Variants in NKAIN2 observed in about 807,000 individuals in gnomAD.
The protein encoded by NKAIN2 is sodium/potassium-transporting ATPase subunit beta-1-interacting protein 2.
A neutral mutation model predicts 32.6 loss-of-function variants in NKAIN2; 14 were observed. The observed-to-expected ratio is 0.43, with a 90% CI of 0.28 to 0.67. The LOEUF is 0.67. NKAIN2 is among the 30% of genes least tolerant of loss of function. The probability of loss-of-function intolerance (pLI) is 0.17; values close to 1 mark genes in which losing one functional copy is unlikely to be tolerated. For synonymous variants in NKAIN2, 80 were observed against 87.2 expected (o/e 0.92, Z 0.46); for missense variants, 198 against 258.3 (o/e 0.77, Z 1.60).
chr6:124,304,417 A>T (rs1224767471), intron 2 of NKAIN2, among the ~76,000 whole-genome samples: 2 of 152,200 alleles, frequency 1.3e-5, no homozygotes, highest in African/African-American at 4.8e-5. Flanking sequence ...TGGTATAAGA[A>T]GAAGAAAAGC....
intron 1 of NKAIN2, among the ~76,000 whole-genome samples, chr6:124,089,496 A>G (rs1455310386): frequency 6.6e-6 from 1 of 151,860 alleles, no homozygotes; most frequent in African/African-American, 2.4e-5. Context: ...GCCATATTGA[A>G]ACACCAATAC....
intron 2 of NKAIN2, among the ~76,000 whole-genome samples, chr6:124,285,206 G>A (rs577410340): frequency 3.9e-5 from 6 of 152,208 alleles, no homozygotes; most frequent in South Asian, 2.1e-4. Flanking sequence ...ATCTTTTGCC[G>A]GCTGGAGATG....
intron 3 of NKAIN2, among the ~76,000 whole-genome samples, chr6:124,615,562 G>C (rs188947941): frequency 5.5e-4 from 83 of 152,156 alleles, no homozygotes; most frequent in African/African-American, 1.7e-3. Flanking sequence ...TCACATTTTG[G>C]AACTAGCATA....
At chr6:123,817,451 A>G (rs534892354) in intron 1 of NKAIN2, among the ~76,000 whole-genome samples, 1 of 152,150 alleles carries the variant, frequency 6.6e-6, no homozygotes, top group Non-Finnish European at 1.5e-5. Context: ...CTTAGAAATA[A>G]CAGGACACTT....
chr6:123,950,779 CA>C (rs1777289830), intron 1 of NKAIN2, among the ~76,000 whole-genome samples: 4 of 151,836 alleles, frequency 2.6e-5, no homozygotes, highest in African/African-American at 9.6e-5. Context: ...TTTTTTAGTC[CA>C]ATTTCATTTA....
At chr6:123,989,908 T>G (rs1181857533) in intron 1 of NKAIN2, among the ~76,000 whole-genome samples, 1 of 152,188 alleles carries the variant, frequency 6.6e-6, no homozygotes, top group Admixed American at 6.6e-5. Flanking sequence ...TGGAATGTAT[T>G]AGTTCATTCT....
chr6:124,530,362 G>T (rs139971932), intron 3 of NKAIN2, among the ~76,000 whole-genome samples: 2 of 152,216 alleles, frequency 1.3e-5, no homozygotes, highest in East Asian at 3.9e-4. Context: ...TCACCATAAA[G>T]GCCTTCATCC....
chr6:124,142,528 T>C (rs1215883355), intron 1 of NKAIN2, among the ~76,000 whole-genome samples: 1 of 152,200 alleles, frequency 6.6e-6, no homozygotes, highest in African/African-American at 2.4e-5. Flanking sequence ...GAATGCAGTG[T>C]ATTTATTGAC....
At chr6:124,158,296 A>G (rs942954876) in intron 1 of NKAIN2, among the ~76,000 whole-genome samples, 3 of 151,744 alleles carry the variant, frequency 2.0e-5, no homozygotes, top group Admixed American at 6.6e-5. Flanking sequence ...TAGGATTAGG[A>G]CCCACCTTAG....
At chr6:124,419,966 G>C (rs1450707025) in intron 3 of NKAIN2, among the ~76,000 whole-genome samples, 1 of 151,936 alleles carries the variant, frequency 6.6e-6, no homozygotes, top group Non-Finnish European at 1.5e-5. Flanking sequence ...GAATATCCTG[G>C]AATATGATCA....
chr6:124,762,984 A>C (rs1401129750), intron 4 of NKAIN2, among the ~76,000 whole-genome samples: 3 of 152,214 alleles, frequency 2.0e-5, no homozygotes, highest in Non-Finnish European at 2.9e-5. Flanking sequence ...TTTTGTTTGC[A>C]TGTACTGTTC....
intron 4 of NKAIN2, among the ~76,000 whole-genome samples, chr6:124,753,192 T>G (rs1174971146): frequency 1.3e-5 from 2 of 152,118 alleles, no homozygotes; most frequent in Non-Finnish European, 2.9e-5. Flanking sequence ...TGTACCAAAA[T>G]GGGCTTTAAA....
intron 3 of NKAIN2, among the ~76,000 whole-genome samples, chr6:124,638,656 G>C (rs1397280996): frequency 6.6e-6 from 1 of 152,148 alleles, no homozygotes; most frequent in East Asian, 1.9e-4. Context: ...AGCACTTTGA[G>C]AGCCCAAGGT....
intron 3 of NKAIN2, among the ~76,000 whole-genome samples, chr6:124,435,368 A>G (rs1240104857): frequency 6.6e-6 from 1 of 152,142 alleles, no homozygotes. Flanking sequence ...TCCATAAAAA[A>G]CAAGAAAGGA....
intron 2 of NKAIN2, among the ~76,000 whole-genome samples, chr6:124,351,196 T>G (rs1157069303): frequency 2.0e-5 from 3 of 152,114 alleles, no homozygotes; most frequent in African/African-American, 7.2e-5. Flanking sequence ...AATAATATGT[T>G]GCATTAAGTA....
intron 2 of NKAIN2, among the ~76,000 whole-genome samples, chr6:124,302,077 G>A (rs984462633): frequency 1.3e-5 from 2 of 152,122 alleles, no homozygotes; most frequent in Admixed American, 6.6e-5. Context: ...CTGAATCATG[G>A]GGGCCACTTC....
chr6:124,793,798 G>A (rs1202554146), intron 5 of NKAIN2, among the ~76,000 whole-genome samples: 2 of 147,760 alleles, frequency 1.4e-5, no homozygotes. Context: ...CCTTTTTTTT[G>A]TTTTCTAACC....
At chr6:124,768,727 T>C (rs1395261358) in intron 4 of NKAIN2, among the ~76,000 whole-genome samples, 1 of 152,014 alleles carries the variant, frequency 6.6e-6, no homozygotes, top group Admixed American at 6.6e-5. Context: ...TTTTTGTACC[T>C]GGGGGAAAAA....
At chr6:124,455,327 T>G (rs372913488) in intron 3 of NKAIN2, among the ~76,000 whole-genome samples, 1 of 152,078 alleles carries the variant, frequency 6.6e-6, no homozygotes, top group African/African-American at 2.4e-5. Context: ...CCCTTGTCAG[T>G]TAACAAAGAG....
Sources: gnomAD v4.1 joint callset for allele counts (sites outside exome capture counted in the v4.1 genomes callset) on GRCh38, gnomAD v4.1.1 for gene constraint, MANE v1.5 for transcripts, NCBI Gene and HGNC (gene_info 2026-07-23, HGNC 2026-07-21) for gene names.